PRKCA: variants seen among roughly 807,000 people sequenced by gnomAD.
PRKCA encodes protein kinase C alpha type.
PRKCA carries 27 observed loss-of-function variants against 87.0 expected under a neutral mutation model. The ratio of observed to expected loss-of-function variants is 0.31; its 90% confidence interval spans 0.23 to 0.43. The LOEUF is 0.43. PRKCA is among the 20% of genes least tolerant of loss of function. The probability of loss-of-function intolerance (pLI) is 1.00; values close to 1 mark genes in which losing one functional copy is unlikely to be tolerated. For synonymous variants in PRKCA, 329 were observed against 311.1 expected, an observed-to-expected ratio of 1.06 and a Z score of -0.61; for missense variants, 518 against 852.3, an observed-to-expected ratio of 0.61 and a Z score of 4.88.
intron 8 of PRKCA, among the ~76,000 whole-genome samples, chr17:66,707,174 C>T (rs571587757): frequency 6.6e-6 from 1 of 152,300 alleles, no homozygotes; most frequent in East Asian, 1.9e-4. Context: ...ACCCTCCCTT[C>T]TCCTCCACTT....
chr17:66,744,331 G>A (rs1235509912), intron 13 of PRKCA, among the ~76,000 whole-genome samples: 1 of 152,166 alleles, frequency 6.6e-6, no homozygotes, highest in Admixed American at 6.5e-5. Flanking sequence ...TCTTGATGTA[G>A]TATTTATTCT....
chr17:66,489,352 CATATATATATAT>C (rs10529618), intron 2 of PRKCA, among the ~76,000 whole-genome samples: 3,020 of 98,914 alleles, frequency 0.031, 62 homozygotes, highest in African/African-American at 0.06. Flanking sequence ...CTTAGCAGTG[CATATATATATAT>C]ATATATATAT....
chr17:66,391,489 T>G (rs932123690), intron 2 of PRKCA, among the ~76,000 whole-genome samples: 2 of 152,070 alleles, frequency 1.3e-5, no homozygotes, highest in African/African-American at 4.8e-5. Flanking sequence ...CAGAGGCCTG[T>G]TCATCACTTC....
At chr17:66,567,545 A>G (rs1275589134) in intron 3 of PRKCA, among the ~76,000 whole-genome samples, 1 of 152,228 alleles carries the variant, frequency 6.6e-6, no homozygotes. Context: ...CCCAGTGGGA[A>G]GAAAAATGGA....
intron 12 of PRKCA, 96 bp from the exon 13 acceptor site, chr17:66,742,526 C>A: frequency 7.7e-7 from 1 of 1,295,382 alleles, no homozygotes; most frequent in Non-Finnish European, 1.1e-6. Flanking sequence ...TGCCATTGAG[C>A]TGACAGGTAT....
chr17:66,458,158 T>G (rs1449222047), intron 2 of PRKCA, among the ~76,000 whole-genome samples: 2 of 152,212 alleles, frequency 1.3e-5, no homozygotes, highest in Non-Finnish European at 2.9e-5. Flanking sequence ...GTATACTGAT[T>G]TTAATTTTTA....
chr17:66,799,010 G>GTGA (rs1975787830), intron 16 of PRKCA, among the ~76,000 whole-genome samples: 1 of 136,982 alleles, frequency 7.3e-6, no homozygotes, highest in Admixed American at 7.4e-5. Context: ...GGTGGTGGTG[G>GTGA]TGGTGGTGGT....
At position 66,401,491 on chromosome 17, in the gene PRKCA, C is replaced by T. The variant is rs75938404; in HGVS notation, c.206-94710C>T. 4.4e-4 allele frequency among the ~76,000 whole-genome samples: 67 copies of T among 152,238 alleles called. No individual in the cohort carries two copies. The East Asian group carries it at 0.011, about 25-fold the overall frequency. ...AGTTGGCTGGATGTATGTCAGAGAA[C>T]GTGGTTTTTATGCAATCATTGATGG... On this transcript the variant is annotated intron_variant, in intron 2 of 16. Transcript: ENST00000413366.
At chr17:66,312,686 G>A (rs1480525300) in intron 2 of PRKCA, among the ~76,000 whole-genome samples, 1 of 149,510 alleles carries the variant, frequency 6.7e-6, no homozygotes, top group African/African-American at 2.5e-5. Flanking sequence ...TTTAGCTCTG[G>A]TCTTTCCCAA....
chr17:66,677,210 G>C (rs1972360911), intron 5 of PRKCA: 1 of 151,244 alleles, frequency 6.6e-6, no homozygotes, highest in Non-Finnish European at 1.5e-5. Flanking sequence ...CCCCTGAGTA[G>C]CTGGGACTAC....
At chr17:66,438,017 G>C (rs984140095) in intron 2 of PRKCA, among the ~76,000 whole-genome samples, 4 of 152,014 alleles carry the variant, frequency 2.6e-5, no homozygotes, top group African/African-American at 9.7e-5. Context: ...GTGGGGTTTG[G>C]GGGGTGGGTG....
intron 2 of PRKCA, among the ~76,000 whole-genome samples, chr17:66,349,792 T>G (rs1907626361): frequency 6.6e-6 from 1 of 152,172 alleles, no homozygotes; most frequent in Non-Finnish European, 1.5e-5. Flanking sequence ...GATTGAGTGT[T>G]AGGTGTCTCT....
intron 3 of PRKCA, among the ~76,000 whole-genome samples, chr17:66,574,551 T>G (rs548538297): frequency 6.6e-6 from 1 of 152,274 alleles, no homozygotes; most frequent in East Asian, 1.9e-4. Flanking sequence ...CGTGGAAGCC[T>G]AAAACTCCAA....
intron 4 of PRKCA, among the ~76,000 whole-genome samples, chr17:66,641,717 CTTTT>C (rs534954912): frequency 2.8e-5 from 4 of 142,102 alleles, no homozygotes; most frequent in Non-Finnish European, 4.6e-5. Context: ...GGTGCTGTCA[CTTTT>C]TTTTTTTTTT....
intron 2 of PRKCA, among the ~76,000 whole-genome samples, chr17:66,363,311 G>A (rs987827480): frequency 6.6e-6 from 1 of 152,170 alleles, no homozygotes; most frequent in African/African-American, 2.4e-5. Context: ...CATTTACACA[G>A]GGTAATCTTC....
chr17:66,566,492 T>TG (rs1183080858), intron 3 of PRKCA, among the ~76,000 whole-genome samples: 82 of 147,776 alleles, frequency 5.5e-4, no homozygotes, highest in African/African-American at 2.0e-3. Context: ...TTTTTTTTTT[T>TG]TTTTTTTTTT....
intron 3 of PRKCA, among the ~76,000 whole-genome samples, chr17:66,536,151 C>T (rs1967773590): frequency 6.6e-6 from 1 of 152,226 alleles, no homozygotes; most frequent in South Asian, 2.1e-4. Flanking sequence ...TTGCAGTCCT[C>T]TCAGCATATT....
In PRKCA at chr17:66,647,895, C is replaced by T. The variant is rs189964906; in HGVS notation, c.529+2384C>T. ...AAATTTTTGTAGAGCTATAGCTCCA[C>T]TCTAGGAATGTGAATTCAGCAAGTT... On this transcript the variant is annotated intron_variant, in intron 5 of 16. Coordinates refer to ENST00000413366, the MANE Select transcript of PRKCA (RefSeq NM_002737.3). Among the ~76,000 whole-genome samples the T allele has an allele frequency of 1.0e-3, 153 of 152,234 alleles. 1 individual carries two copies. The Middle Eastern group carries it at 0.02, about 20-fold the overall frequency.
intron 3 of PRKCA, among the ~76,000 whole-genome samples, chr17:66,528,624 T>C (rs565755654): frequency 6.6e-6 from 1 of 152,286 alleles, no homozygotes; most frequent in South Asian, 2.1e-4. Context: ...CCCCCGGAAC[T>C]CTGCGAGCAC....
Sources: gnomAD v4.1 joint callset for allele counts (sites outside exome capture counted in the v4.1 genomes callset) on GRCh38, gnomAD v4.1.1 for gene constraint, MANE v1.5 for transcripts, NCBI Gene and HGNC (gene_info 2026-07-23, HGNC 2026-07-21) for gene names.